Variants in CERS6 observed in about 807,000 individuals in gnomAD.
CERS6 encodes ceramide synthase 6, also known as LAG1 homolog, ceramide synthase 6.
CERS6 carries 26 observed loss-of-function variants against 56.8 expected under a neutral mutation model. That is an observed-to-expected ratio of 0.46 (90% CI 0.34 to 0.63). The LOEUF (loss-of-function observed/expected upper bound fraction) is 0.63. CERS6 is among the 30% of genes least tolerant of loss of function. The pLI, the probability that CERS6 is intolerant of heterozygous loss-of-function variation, is 0.01. For missense variants in CERS6, 415 were observed against 467.5 expected (o/e 0.89, Z 1.04); for synonymous variants, 164 against 173.3 (o/e 0.95, Z 0.42).
intron 4 of CERS6, among the ~76,000 whole-genome samples, chr2:168,679,481 T>G (rs550756477): frequency 6.6e-6 from 1 of 152,344 alleles, no homozygotes; most frequent in African/African-American, 2.4e-5. Context: ...AGAGACTGTA[T>G]GTATATCCAG....
At chr2:168,764,298 A>G (rs939861129) in intron 8 of CERS6, among the ~76,000 whole-genome samples, 14 of 152,088 alleles carry the variant, frequency 9.2e-5, no homozygotes, top group African/African-American at 3.1e-4. Context: ...GCCCGCCACC[A>G]CACCCGGCTA....
chr2:168,575,966 A>C (rs926392687), intron 3 of CERS6, among the ~76,000 whole-genome samples: 3 of 152,152 alleles, frequency 2.0e-5, no homozygotes, highest in African/African-American at 7.2e-5. Flanking sequence ...AATGGTACTT[A>C]GTGTCTAATG....
At chr2:168,488,487 G>C (rs548742161) in intron 1 of CERS6, among the ~76,000 whole-genome samples, 4 of 152,198 alleles carry the variant, frequency 2.6e-5, no homozygotes, top group Non-Finnish European at 5.9e-5. Flanking sequence ...GCAGCATATA[G>C]TTGGTTCTTG....
At chr2:168,734,520 G>A (rs182885129) in intron 8 of CERS6, among the ~76,000 whole-genome samples, 143 of 152,244 alleles carry the variant, frequency 9.4e-4, no homozygotes, top group African/African-American at 3.3e-3. Flanking sequence ...CCTGATGAAC[G>A]AATCCATCAG....
intron 6 of CERS6, among the ~76,000 whole-genome samples, chr2:168,699,692 T>C (rs1400182264): frequency 6.6e-6 from 1 of 152,176 alleles, no homozygotes; most frequent in Non-Finnish European, 1.5e-5. Flanking sequence ...ATTGCCTCAC[T>C]TGTAATCATT....
At chr2:168,506,203 C>T (rs1482712366) in intron 1 of CERS6, among the ~76,000 whole-genome samples, 1 of 152,144 alleles carries the variant, frequency 6.6e-6, no homozygotes, top group Non-Finnish European at 1.5e-5. Flanking sequence ...AAACGCTTGG[C>T]TGTGATTGTT....
chr2:168,688,511 A>G (rs1686415065), intron 4 of CERS6, among the ~76,000 whole-genome samples: 1 of 152,122 alleles, frequency 6.6e-6, no homozygotes, highest in African/African-American at 2.4e-5. Context: ...GAATCAACTC[A>G]TGGACTTCGG....
rs146432147 is a variant in CERS6, at chr2:168,479,855, G to A, written c.170+23237G>A. On this transcript the variant is annotated intron_variant, in intron 1 of 9. Coordinates refer to ENST00000305747, the MANE Select transcript of CERS6 (RefSeq NM_203463.3). ...ACTTCCGACCTAAGGTGATCTGCCC[G>A]CCTCGGTCTCCCAAAGTTCTGAGAT... is the stretch of plus-strand genomic sequence containing the variant. 2.0e-3 allele frequency among the ~76,000 whole-genome samples: 300 copies of A among 152,204 alleles called. 4 individuals carry two copies. The Middle Eastern group carries it at 0.027, about 14-fold the overall frequency.
intron 3 of CERS6, among the ~76,000 whole-genome samples, chr2:168,620,033 A>G (rs1269432372): frequency 7.1e-6 from 1 of 141,324 alleles, no homozygotes; most frequent in Non-Finnish European, 1.6e-5. Context: ...ACACACACAC[A>G]CACACACACA....
chr2:168,486,518 G>GTTTTTTTTTTTTT (rs1491580943), intron 1 of CERS6, among the ~76,000 whole-genome samples: 93 of 136,274 alleles, frequency 6.8e-4, no homozygotes, highest in East Asian at 4.9e-3. Flanking sequence ...GTCTAGATTT[G>GTTTTTTTTTTTTT]GTTTTGTTTT....
At chr2:168,678,564 A>G (rs1489469904) in intron 4 of CERS6, among the ~76,000 whole-genome samples, 1 of 152,176 alleles carries the variant, frequency 6.6e-6, no homozygotes, top group South Asian at 2.1e-4. Flanking sequence ...TAGTTGTTCA[A>G]TGTAGGAATG....
chr2:168,656,342 G>A (rs534739331), intron 4 of CERS6, among the ~76,000 whole-genome samples: 1 of 152,328 alleles, frequency 6.6e-6, no homozygotes, highest in South Asian at 2.1e-4. Flanking sequence ...GTGATATTGT[G>A]TCCGGAATTG....
intron 4 of CERS6, among the ~76,000 whole-genome samples, chr2:168,648,912 A>G (rs764986232): frequency 1.3e-5 from 2 of 152,128 alleles, no homozygotes; most frequent in Non-Finnish European, 2.9e-5. Context: ...GACCAATTAT[A>G]TGGCCAACTT....
In CERS6 at chr2:168,651,854, T is replaced by C. The variant is rs186177438; in HGVS notation, c.465+20812T>C. 2.9e-4 allele frequency among the ~76,000 whole-genome samples: 44 copies of C among 152,354 alleles called. No individual in the cohort carries two copies. The East Asian group carries it at 8.1e-3, about 28-fold the overall frequency. ...AACATACGTAAGCCCTCATCACTTT[T>C]TCCAACTATGTATCTTTTGAAAGTG... On this transcript the variant is annotated intron_variant, in intron 4 of 9. Coordinates refer to ENST00000305747, the MANE Select transcript of CERS6 (RefSeq NM_203463.3).
At chr2:168,632,084 A>G (rs1470516923) in intron 4 of CERS6, among the ~76,000 whole-genome samples, 1 of 151,458 alleles carries the variant, frequency 6.6e-6, no homozygotes, top group Non-Finnish European at 1.5e-5. Context: ...TAGTCTTTCC[A>G]GGTTATTTCA....
At chr2:168,611,382 C>T (rs1343814215) in intron 3 of CERS6, among the ~76,000 whole-genome samples, 2 of 152,122 alleles carry the variant, frequency 1.3e-5, no homozygotes, top group African/African-American at 2.4e-5. Context: ...CCTTAACCTG[C>T]CTAGACCCTG....
At chr2:168,492,134 C>T (rs1481645532) in intron 1 of CERS6, among the ~76,000 whole-genome samples, 2 of 152,116 alleles carry the variant, frequency 1.3e-5, no homozygotes, top group Admixed American at 1.3e-4. Flanking sequence ...GGTATATACC[C>T]AGTAATGGGA....
chr2:168,580,446 T>C (rs1402440688), intron 3 of CERS6, among the ~76,000 whole-genome samples: 1 of 152,194 alleles, frequency 6.6e-6, no homozygotes, highest in Non-Finnish European at 1.5e-5. Flanking sequence ...TTTACCCTCC[T>C]AGAAAATCCA....
At chr2:168,644,533 A>G (rs1257028548) in intron 4 of CERS6, among the ~76,000 whole-genome samples, 1 of 152,196 alleles carries the variant, frequency 6.6e-6, no homozygotes, top group East Asian at 1.9e-4. Context: ...TAAAATTCAC[A>G]AAGACTGGAG....
Sources: gnomAD v4.1 joint callset for allele counts (sites outside exome capture counted in the v4.1 genomes callset) on GRCh38, gnomAD v4.1.1 for gene constraint, MANE v1.5 for transcripts, NCBI Gene and HGNC (gene_info 2026-07-23, HGNC 2026-07-21) for gene names.